The following PRPF18 variants were observed in gnomAD, a reference collection of about 807,000 sequenced individuals.
The protein encoded by PRPF18 is pre-mRNA processing factor 18.
PRPF18 carries 38 observed loss-of-function variants against 46.5 expected under a neutral mutation model. The observed-to-expected ratio is 0.82, with a 90% confidence interval of 0.63 to 1.07. The LOEUF (loss-of-function observed/expected upper bound fraction) is 1.07. Among genes scored for constraint, PRPF18 ranks in the 50% least tolerant of loss-of-function variants. PRPF18 has a pLI of 0.00. For synonymous variants in PRPF18, 152 were observed against 146.7 expected (o/e 1.04, Z -0.26); for missense variants, 263 against 410.0 (o/e 0.64, Z 3.10).
chr10:13,604,079 C>T (rs1020853293), intron 3 of PRPF18, among the ~76,000 whole-genome samples: 5 of 151,230 alleles, frequency 3.3e-5, no homozygotes, highest in Non-Finnish European at 7.4e-5. Flanking sequence ...GGATGTTTCA[C>T]GAAGAAATGT....
At chr10:13,605,546 C>CA (rs2080170633) in intron 3 of PRPF18, 85 bp from the exon 4 acceptor site, 2 of 1,341,950 alleles carry the variant, frequency 1.5e-6, no homozygotes, top group African/African-American at 3.2e-5. Context: ...CGCACCACTG[C>CA]ACTCCAGCCT....
At chr10:13,639,404 T>TC in the PRPF18 span, 1 of 152,196 alleles carries the variant, frequency 6.6e-6, no homozygotes, top group Non-Finnish European at 1.5e-5. Flanking sequence ...GAAAGATACT[T>TC]CAGAAAATAC....
chr10:13,639,647 G>A, the PRPF18 span: 1 of 152,154 alleles, frequency 6.6e-6, no homozygotes, highest in Non-Finnish European at 1.5e-5. Context: ...GAACCTGTTA[G>A]TTCATCCTTT....
intron 9 of PRPF18, among the ~76,000 whole-genome samples, chr10:13,618,216 CA>C (rs1294566323): frequency 6.6e-6 from 1 of 152,056 alleles, no homozygotes; most frequent in Non-Finnish European, 1.5e-5. Flanking sequence ...AAGTTCTTGA[CA>C]GACGAGAGAG....
downstream of PRPF18, among the ~76,000 whole-genome samples, chr10:13,632,337 T>C (rs2134127897): frequency 6.6e-6 from 1 of 151,182 alleles, no homozygotes; most frequent in East Asian, 1.9e-4. Flanking sequence ...TGAGACTCTG[T>C]CCCCTCCCCC....
At chr10:13,636,532 G>A in the PRPF18 span, among the ~76,000 whole-genome samples, 7 of 152,144 alleles carry the variant, frequency 4.6e-5, no homozygotes, top group Non-Finnish European at 5.9e-5. Flanking sequence ...TTGGCCCTTT[G>A]AAAATTATTT....
intron 1 of PRPF18, among the ~76,000 whole-genome samples, chr10:13,587,850 T>A (rs1011014429): frequency 3.9e-5 from 6 of 152,164 alleles, no homozygotes; most frequent in Non-Finnish European, 7.4e-5. Context: ...GTGCGTTTTG[T>A]CCAATTCTTT....
chr10:13,597,804 T>C, intron 2 of PRPF18: 1 of 573,562 alleles, frequency 1.7e-6, no homozygotes, highest in South Asian at 2.0e-5. Flanking sequence ...TGAATTTTTT[T>C]TTTTTTTTAA....
intron 5 of PRPF18, 124 bp downstream of exon 5, chr10:13,610,309 C>A: frequency 9.2e-7 from 1 of 1,088,388 alleles, no homozygotes; most frequent in Non-Finnish European, 1.3e-6. Context: ...TGTTTATTTA[C>A]TCCTCGCTTT....
At chr10:13,608,731 A>G (rs377137092) in intron 4 of PRPF18, among the ~76,000 whole-genome samples, 1 of 152,152 alleles carries the variant, frequency 6.6e-6, no homozygotes, top group South Asian at 2.1e-4. Flanking sequence ...GTGCATATTT[A>G]TCTCTTCCTG....
chr10:13,654,817 C>A, the PRPF18 span: 1 of 446,036 alleles, frequency 2.2e-6, no homozygotes, highest in Non-Finnish European at 3.9e-6. Context: ...AGGAGGTAGG[C>A]ATAGGGATGG....
chr10:13,602,451 A>AT (rs2080125676), intron 3 of PRPF18, among the ~76,000 whole-genome samples: 1 of 149,974 alleles, frequency 6.7e-6, no homozygotes, highest in Admixed American at 6.6e-5. Flanking sequence ...TGTATCATTT[A>AT]TTTTTTGCCA....
downstream of PRPF18, chr10:13,632,800 CAAATCGTG>C (rs1468332730): frequency 1.3e-5 from 2 of 152,176 alleles, no homozygotes; most frequent in African/African-American, 2.4e-5. Flanking sequence ...CCCCAATTTC[CAAATCGTG>C]AAAATTTGGC....
At chr10:13,617,696 CAG>C (rs1487431054) in intron 9 of PRPF18, among the ~76,000 whole-genome samples, 1 of 152,128 alleles carries the variant, frequency 6.6e-6, no homozygotes, top group Non-Finnish European at 1.5e-5. Context: ...TTCTTATAAA[CAG>C]TAATGTGATT....
chr10:13,619,462 G>C (rs2080393404), intron 9 of PRPF18, among the ~76,000 whole-genome samples: 1 of 152,210 alleles, frequency 6.6e-6, no homozygotes, highest in Admixed American at 6.5e-5. Context: ...ATGTCTGGAG[G>C]CATAAAACAT....
chr10:13,653,855 G>T, the PRPF18 span: 2 of 158,158 alleles, frequency 1.3e-5, no homozygotes, highest in African/African-American at 4.8e-5. Flanking sequence ...GCTATCAAAG[G>T]GAGCTGCCTT....
chr10:13,616,700 T>A, intron 9 of PRPF18, 147 bp downstream of exon 9: 1 of 968,546 alleles, frequency 1.0e-6, no homozygotes, highest in Non-Finnish European at 1.5e-6. Context: ...GCACTGACAC[T>A]GAAGCCACCT....
chr10:13,648,891 T>A, the PRPF18 span: 1 of 152,196 alleles, frequency 6.6e-6, no homozygotes, highest in African/African-American at 2.4e-5. Flanking sequence ...AGCCAGTGTT[T>A]CCCAAAGTAG....
chr10:13,655,208 A>G, the PRPF18 span: 1 of 152,272 alleles, frequency 6.6e-6, no homozygotes, highest in Admixed American at 6.5e-5. Context: ...CCTTTCCATC[A>G]GTAAACCTCA....
Sources: allele counts gnomAD v4.1 joint callset (sites outside exome capture counted in the v4.1 genomes callset), GRCh38; gene constraint gnomAD v4.1.1; transcripts MANE v1.5; gene names NCBI Gene and HGNC (gene_info 2026-07-23, HGNC 2026-07-21).